The following PCDH15 variants were observed in gnomAD, a reference collection of about 807,000 sequenced individuals.
PCDH15 encodes the protein protocadherin-15.
In PCDH15, 129 loss-of-function variants were observed where a neutral mutation model predicts 178.5. The observed-to-expected ratio is 0.72, with a 90% CI of 0.63 to 0.84. PCDH15 has a LOEUF of 0.84. Among genes scored for constraint, PCDH15 ranks in the 40% least tolerant of loss-of-function variants. PCDH15 has a pLI of 0.00. For synonymous variants in PCDH15, 800 were observed against 732.0 expected, an observed-to-expected ratio of 1.09 and a Z score of -1.50; for missense variants, 2,230 against 2,099.9, an observed-to-expected ratio of 1.06 and a Z score of -1.21.
chr10:55,210,956 A>G (rs1012335153), intron 1 of PCDH15, among the ~76,000 whole-genome samples: 39 of 152,046 alleles, frequency 2.6e-4, no homozygotes, highest in African/African-American at 9.2e-4. Context: ...GACTGTAAAT[A>G]TAGAGTCCCT....
intron 2 of PCDH15, among the ~76,000 whole-genome samples, chr10:54,547,454 A>G (rs912545659): frequency 6.6e-6 from 1 of 152,168 alleles, no homozygotes; most frequent in Non-Finnish European, 1.5e-5. Context: ...AATCAGAAAT[A>G]AAATCCTGCC....
chr10:54,654,698 T>G (rs1028263875), intron 2 of PCDH15, among the ~76,000 whole-genome samples: 1 of 152,194 alleles, frequency 6.6e-6, no homozygotes, highest in African/African-American at 2.4e-5. Flanking sequence ...AGTTTATAAT[T>G]ACATTTTTGC....
At chr10:53,924,985 C>A (rs1436706984) in intron 25 of PCDH15, among the ~76,000 whole-genome samples, 1 of 152,064 alleles carries the variant, frequency 6.6e-6, no homozygotes. Flanking sequence ...TCAAAACAGA[C>A]CAATCAGCTC....
intron 28 of PCDH15, among the ~76,000 whole-genome samples, chr10:53,848,691 G>A (rs1254951942): frequency 1.3e-5 from 2 of 151,842 alleles, no homozygotes; most frequent in Non-Finnish European, 2.9e-5. Context: ...TCCATCATAA[G>A]TTGATAAGAA....
chr10:54,863,936 T>C (rs1385929228), intron 3 of PCDH15, among the ~76,000 whole-genome samples: 3 of 152,186 alleles, frequency 2.0e-5, no homozygotes, highest in Non-Finnish European at 4.4e-5. Flanking sequence ...ACTTGCCTAA[T>C]TGGACTTATT....
At chr10:55,435,510 T>A (rs189619095) in intron 2 of PCDH15, among the ~76,000 whole-genome samples, 1 of 152,276 alleles carries the variant, frequency 6.6e-6, no homozygotes, top group East Asian at 1.9e-4. Context: ...CAAGATTTCA[T>A]CTAACTTCCT....
chr10:54,809,839 G>T (rs1437834492), intron 3 of PCDH15, among the ~76,000 whole-genome samples: 1 of 152,152 alleles, frequency 6.6e-6, no homozygotes, highest in Non-Finnish European at 1.5e-5. Context: ...GCTCAAGCCA[G>T]AATTTTCCCA....
chr10:54,383,968 G>A (rs1949594345), intron 3 of PCDH15, among the ~76,000 whole-genome samples: 1 of 148,082 alleles, frequency 6.8e-6, no homozygotes, highest in Non-Finnish European at 1.5e-5. Flanking sequence ...ACAGGCACCT[G>A]CCACCACAAA....
chr10:54,723,350 G>A (rs1941960423), intron 1 of PCDH15, among the ~76,000 whole-genome samples: 1 of 151,676 alleles, frequency 6.6e-6, no homozygotes, highest in African/African-American at 2.4e-5. Context: ...GCCACGTGCA[G>A]AATAATGAAA....
At chr10:54,623,571 A>G (rs755952665) in intron 2 of PCDH15, among the ~76,000 whole-genome samples, 2 of 152,142 alleles carry the variant, frequency 1.3e-5, no homozygotes, top group South Asian at 2.1e-4. Flanking sequence ...TAATTAGTAG[A>G]GACAAATGTT....
intron 2 of PCDH15, among the ~76,000 whole-genome samples, chr10:55,484,893 A>G (rs551800247): frequency 1.3e-5 from 2 of 151,888 alleles, no homozygotes; most frequent in East Asian, 1.9e-4. Context: ...TTCGAAATGA[A>G]TAAGAGTTAA....
intron 2 of PCDH15, among the ~76,000 whole-genome samples, chr10:55,450,032 A>AT (rs139255019): frequency 0.024 from 3,706 of 152,112 alleles, 130 homozygotes; most frequent in African/African-American, 0.08. Context: ...GGCTTAAAGC[A>AT]TTTTTTTTAT....
intron 8 of PCDH15, among the ~76,000 whole-genome samples, chr10:54,242,676 A>G (rs1028160632): frequency 3.3e-5 from 5 of 152,176 alleles, no homozygotes; most frequent in Non-Finnish European, 5.9e-5. Flanking sequence ...TGAGATAGAC[A>G]TAATAGAAGC....
At chr10:55,370,016 A>G (rs1366578591) in intron 2 of PCDH15, among the ~76,000 whole-genome samples, 1 of 152,110 alleles carries the variant, frequency 6.6e-6, no homozygotes, top group African/African-American at 2.4e-5. Context: ...ATGATCACAG[A>G]AAATAACTTG....
At chr10:54,920,231 G>A (rs1837448980) in intron 2 of PCDH15, among the ~76,000 whole-genome samples, 1 of 152,122 alleles carries the variant, frequency 6.6e-6, no homozygotes, top group Non-Finnish European at 1.5e-5. Flanking sequence ...AGCACTTTGG[G>A]AGGCCGAGGC....
intron 2 of PCDH15, among the ~76,000 whole-genome samples, chr10:55,324,872 G>T (rs1843990499): frequency 6.6e-6 from 1 of 152,028 alleles, no homozygotes; most frequent in African/African-American, 2.4e-5. Context: ...ATACAGGAAA[G>T]TTTCAGGACA....
chr10:55,440,529 C>T (rs1379113973), intron 2 of PCDH15, among the ~76,000 whole-genome samples: 1 of 152,076 alleles, frequency 6.6e-6, no homozygotes, highest in African/African-American at 2.4e-5. Context: ...ACACTGAGGC[C>T]AATAAATATG....
At chr10:54,775,683 G>T (rs1340083923) in intron 1 of PCDH15, among the ~76,000 whole-genome samples, 2 of 152,108 alleles carry the variant, frequency 1.3e-5, no homozygotes, top group African/African-American at 4.8e-5. Flanking sequence ...GGATCACGAG[G>T]TCAGGAGATC....
intron 2 of PCDH15, among the ~76,000 whole-genome samples, chr10:55,330,838 A>ACGTG (rs1554853794): frequency 6.9e-6 from 1 of 144,614 alleles, no homozygotes; most frequent in East Asian, 2.1e-4. Context: ...AGATTTATTT[A>ACGTG]TGTGTGTGTG....
Sources: gnomAD v4.1 joint callset for allele counts (sites outside exome capture counted in the v4.1 genomes callset) on GRCh38, gnomAD v4.1.1 for gene constraint, MANE v1.5 for transcripts, NCBI Gene and HGNC (gene_info 2026-07-23, HGNC 2026-07-21) for gene names.